The following UBE2R2 variants were observed in gnomAD, a reference collection of about 807,000 sequenced individuals.
UBE2R2 encodes the protein ubiquitin-conjugating enzyme E2 R2.
A neutral mutation model predicts 27.8 loss-of-function variants in UBE2R2; 1 was observed. That is an observed-to-expected ratio of 0.04 (90% CI 0.01 to 0.17). The LOEUF is 0.17. UBE2R2 is among the 10% of genes least tolerant of loss of function. The probability of loss-of-function intolerance (pLI) is 1.00; values close to 1 mark genes in which losing one functional copy is unlikely to be tolerated. For synonymous variants in UBE2R2, 106 were observed against 113.3 expected, an observed-to-expected ratio of 0.94 and a Z score of 0.41; for missense variants, 100 against 291.0, an observed-to-expected ratio of 0.34 and a Z score of 4.78.
At chr9:33,864,885 C>G (rs1009362895) in intron 1 of UBE2R2, among the ~76,000 whole-genome samples, 1 of 151,896 alleles carries the variant, frequency 6.6e-6, no homozygotes, top group Admixed American at 6.6e-5. Flanking sequence ...CCACCACACC[C>G]GACTAATTTT....
intron 1 of UBE2R2, among the ~76,000 whole-genome samples, chr9:33,838,756 C>A (rs34910933): frequency 0.068 from 10,319 of 152,100 alleles, 492 homozygotes; most frequent in Non-Finnish European, 0.099. Context: ...TTCTTATAAA[C>A]CTCTAAAGCA....
At chr9:33,902,678 G>A (rs1487285385) in intron 3 of UBE2R2, among the ~76,000 whole-genome samples, 1 of 152,156 alleles carries the variant, frequency 6.6e-6, no homozygotes, top group Non-Finnish European at 1.5e-5. Context: ...TAATTGTTTT[G>A]AGCTGTTTTT....
chr9:33,878,219 A>G (rs1821657645), intron 1 of UBE2R2, among the ~76,000 whole-genome samples: 1 of 152,194 alleles, frequency 6.6e-6, no homozygotes, highest in Non-Finnish European at 1.5e-5. Context: ...AGCAATACGC[A>G]GCGGCTCACA....
intron 1 of UBE2R2, among the ~76,000 whole-genome samples, chr9:33,827,905 A>T (rs1054396830): frequency 6.6e-6 from 1 of 151,814 alleles, no homozygotes; most frequent in African/African-American, 2.4e-5. Flanking sequence ...CGGGAGGCGG[A>T]GGTTGCAGTG....
chr9:33,904,282 T>G (rs529882311), intron 3 of UBE2R2, among the ~76,000 whole-genome samples: 6 of 152,338 alleles, frequency 3.9e-5, no homozygotes, highest in African/African-American at 1.4e-4. Flanking sequence ...ACTATTTTCC[T>G]TCTTGTACCT....
intron 1 of UBE2R2, among the ~76,000 whole-genome samples, chr9:33,879,779 G>A (rs10971763): frequency 0.086 from 10,601 of 123,244 alleles, 594 homozygotes; most frequent in Non-Finnish European, 0.13. Flanking sequence ...TTTTTGAGAC[G>A]ATGTTTTGTT....
chr9:33,896,707 CA>C (rs1369493241), intron 2 of UBE2R2, among the ~76,000 whole-genome samples: 1 of 151,864 alleles, frequency 6.6e-6, no homozygotes, highest in Admixed American at 6.6e-5. Flanking sequence ...CTTGGCCTTC[CA>C]AAGTCCTGGG....
At chr9:33,889,945 G>A (rs1821942427) in intron 2 of UBE2R2, among the ~76,000 whole-genome samples, 1 of 152,112 alleles carries the variant, frequency 6.6e-6, no homozygotes, top group South Asian at 2.1e-4. Flanking sequence ...CTCCCAAAGT[G>A]CTGGGGTTAC....
intron 1 of UBE2R2, among the ~76,000 whole-genome samples, chr9:33,831,922 A>G (rs192448320): frequency 4.5e-4 from 68 of 150,212 alleles, no homozygotes; most frequent in Middle Eastern, 3.4e-3. Context: ...CAGCCTCCCA[A>G]AGTGCTGGGA....
intron 2 of UBE2R2, among the ~76,000 whole-genome samples, chr9:33,896,074 G>A (rs1822098920): frequency 6.6e-6 from 1 of 151,816 alleles, no homozygotes; most frequent in Admixed American, 6.6e-5. Context: ...CGCCTGGCCA[G>A]ATCTATTCTT....
At chr9:33,831,413 A>G (rs1820476585) in intron 1 of UBE2R2, among the ~76,000 whole-genome samples, 2 of 152,182 alleles carry the variant, frequency 1.3e-5, no homozygotes, top group South Asian at 4.1e-4. Flanking sequence ...CTTATGACTT[A>G]ATACTTTTTG....
intron 1 of UBE2R2, among the ~76,000 whole-genome samples, chr9:33,849,769 G>A (rs1820923931): frequency 6.6e-6 from 1 of 151,856 alleles, no homozygotes; most frequent in African/African-American, 2.4e-5. Flanking sequence ...ACATGGGAGG[G>A]TGACTTGAGC....
intron 1 of UBE2R2, among the ~76,000 whole-genome samples, chr9:33,861,458 C>A (rs1821234342): frequency 6.6e-6 from 1 of 152,044 alleles, no homozygotes; most frequent in African/African-American, 2.4e-5. Context: ...AGCCTATAAT[C>A]CCAGCTACTT....
chr9:33,817,742 C>CGCT lies in UBE2R2; in HGVS notation c.-14_-13insTGC, dbSNP rs1322363078. The CGCT allele has an allele frequency of 1.3e-6, 2 of 1,511,166 alleles. No homozygotes were observed. The highest frequency in any genetic ancestry group is 8.8e-7 in the Non-Finnish European group (1 of 1,130,212). The allele number at this position is 1,511,166 out of a possible 1,614,324, so 93.6% of individuals were successfully genotyped here. ...TGGGGCCCGGGCCCGGCGCCGCCGC[C>CGCT]GCCGCCGCCGCCGCGATGGCCCAGC... is the stretch of plus-strand genomic sequence containing the variant. On this transcript the variant is annotated 5_prime_UTR_variant, in exon 1 of 5. Coordinates refer to ENST00000263228, the MANE Select transcript of UBE2R2 (RefSeq NM_017811.4).
At chr9:33,844,515 A>G (rs1351617539) in intron 1 of UBE2R2, among the ~76,000 whole-genome samples, 68 of 110,170 alleles carry the variant, frequency 6.2e-4, no homozygotes, top group African/African-American at 2.4e-3. Context: ...TCCCACATCT[A>G]TTTTTTTTTT....
Position 33,824,626 on chromosome 9 carries a change from G to A in UBE2R2, c.177+6692G>A, listed in dbSNP as rs1018774116. Among the ~76,000 whole-genome samples, 9 of 148,280 alleles carry A rather than the reference G, an allele frequency of 6.1e-5. No homozygotes were observed. The East Asian group carries it at 7.9e-4, about 13-fold the overall frequency. ...TGCTCTCTAGCCTGGGCGAGAGAGC[G>A]AGGCTCTGTCTCAAAAAAAAAAAAA... On this transcript the variant is annotated intron_variant, in intron 1 of 4. Coordinates refer to ENST00000263228, the MANE Select transcript of UBE2R2 (RefSeq NM_017811.4).
At chr9:33,833,434 T>C (rs1277640662) in intron 1 of UBE2R2, among the ~76,000 whole-genome samples, 2 of 152,206 alleles carry the variant, frequency 1.3e-5, no homozygotes, top group African/African-American at 4.8e-5. Context: ...CCTCAGGTGA[T>C]CCACCTGCCT....
chr9:33,829,031 G>A (rs1200661270), intron 1 of UBE2R2, among the ~76,000 whole-genome samples: 2 of 151,916 alleles, frequency 1.3e-5, no homozygotes, highest in African/African-American at 2.4e-5. Context: ...CACCATGCCC[G>A]GCCTGATTTT....
chr9:33,855,115 C>T (rs1167472598), intron 1 of UBE2R2, among the ~76,000 whole-genome samples: 1 of 152,158 alleles, frequency 6.6e-6, no homozygotes, highest in Non-Finnish European at 1.5e-5. Flanking sequence ...ATTTCTAGGT[C>T]ACAAACATGC....
Sources: allele counts gnomAD v4.1 joint callset (sites outside exome capture counted in the v4.1 genomes callset), GRCh38; gene constraint gnomAD v4.1.1; transcripts MANE v1.5; gene names NCBI Gene and HGNC (gene_info 2026-07-23, HGNC 2026-07-21).